Variants in SLC34A3 observed in about 807,000 individuals in gnomAD.
The protein encoded by SLC34A3 is solute carrier family 34 member 3.
Under a neutral mutation model 43.9 loss-of-function variants are expected in SLC34A3, and 60 were observed. That is an observed-to-expected ratio of 1.37 (90% confidence interval 1.11 to 1.70). The LOEUF is 1.70. SLC34A3 is among the 40% of genes most tolerant of loss of function. SLC34A3 has a pLI of 0.00. For missense variants in SLC34A3, 969 were observed against 823.8 expected (o/e 1.18, Z -2.16); for synonymous variants, 451 against 386.2 (o/e 1.17, Z -1.97).
chr9:137,231,410 G>A (rs1836205910), intron 1 of SLC34A3, among the ~76,000 whole-genome samples: 1 of 152,198 alleles, frequency 6.6e-6, no homozygotes, highest in Non-Finnish European at 1.5e-5. Flanking sequence ...GACCAGCAAG[G>A]GAGCCGGGGA....
rs775265040 is a variant in SLC34A3 at position 137,233,307 on chromosome 9, G to A, written c.659G>A (p.Ser220Asn). 28 of 1,598,212 alleles carry A rather than the reference G, an allele frequency of 1.8e-5. No homozygotes were observed. Among genetic ancestry groups the A allele is most frequent in the Non-Finnish European group, 2.3e-5 (27 of 1,173,152 alleles). Reference protein sequence around the residue: ...ESATALLERLSELALGAASLT... With the variant: ...ESATALLERLNELALGAASLT... Reference sequence around the variant, plus strand: ...GCCACGGCCCTGCTGGAGAGGCTAAGTGAGCTAGCCCTGGGTGCCGCCAGC... The same window carrying A: ...GCCACGGCCCTGCTGGAGAGGCTAAATGAGCTAGCCCTGGGTGCCGCCAGC... The change falls in exon 7 of 13, where the codon AGT becomes AAT. Residue 220 changes from serine (S) to asparagine (N), a missense_variant. Transcript: ENST00000673835.
chr9:137,233,779 T>TTTGGGGCCCCCCCCCCCC, intron 8 of SLC34A3, 57 bp downstream of exon 8: 1 of 1,445,826 alleles, frequency 6.9e-7, no homozygotes, highest in Non-Finnish European at 9.6e-7. Flanking sequence ...TGCTGAGTCA[T>TTTGGGGCCCCCCCCCCCC]CCCGCCCCAC....
At chr9:137,235,586 C>A (rs1006177371) in intron 12 of SLC34A3, among the ~76,000 whole-genome samples, 13 of 152,246 alleles carry the variant, frequency 8.5e-5, no homozygotes, top group Non-Finnish European at 1.5e-5. Flanking sequence ...CTCCTCCCCG[C>A]AGGGCCTGGA....
intron 8 of SLC34A3, 52 bp downstream of exon 8, chr9:137,233,774 A>G: frequency 6.5e-7 from 1 of 1,539,590 alleles, no homozygotes; most frequent in Non-Finnish European, 9.0e-7. Flanking sequence ...CCACCTGCTG[A>G]GTCATCCCGC....
At chr9:137,235,928 C>T (rs752317833) in intron 12 of SLC34A3, 24 bp from the exon 13 acceptor site, 2 of 1,608,714 alleles carry the variant, frequency 1.2e-6, no homozygotes, top group Non-Finnish European at 1.7e-6. Context: ...GGGCCCAGGC[C>T]CCTGACAGCC....
chr9:137,233,164 G>GCCCCGGCCCCCCCCCCCCC, intron 6 of SLC34A3, 45 bp from the exon 7 acceptor site: 1 of 1,244,672 alleles, frequency 8.0e-7, no homozygotes, highest in Non-Finnish European at 1.1e-6. Flanking sequence ...GGCAGCCCCA[G>GCCCCGGCCCCCCCCCCCCC]CCCGGGCCCC....
intron 7 of SLC34A3, 62 bp downstream of exon 7, chr9:137,233,466 C>G (rs1836370524): frequency 1.3e-6 from 2 of 1,580,656 alleles, no homozygotes; most frequent in African/African-American, 2.7e-5. Context: ...GGAGGGGAGG[C>G]CCGCCCTGCC....
At chr9:137,235,117 C>T (rs2131420190) in intron 12 of SLC34A3, among the ~76,000 whole-genome samples, 1 of 152,186 alleles carries the variant, frequency 6.6e-6, no homozygotes, top group East Asian at 1.9e-4. Context: ...TCTGGACGAC[C>T]CTCCCAGCCC....
chr9:137,232,638 T>G lies in SLC34A3; in HGVS notation c.239T>G (p.Leu80Arg). ...AGCGTCCTCAAGGCCTGCGGGCTCC[T>G]CGGCAGCCTGTACTTCTTCATCTGC... ...AGSVLKACGL[L>R]GSLYFFICSL... Residue 80 changes from leucine to arginine, a missense_variant, in exon 4 of 13, where the codon CTC (leucine) becomes CGC (arginine). Transcript: ENST00000673835. 1 of 1,612,682 alleles carries G rather than the reference T, an allele frequency of 6.2e-7. No homozygotes were observed. The highest frequency in any genetic ancestry group is 8.5e-7 in the Non-Finnish European group (1 of 1,179,886).
Position 137,236,452 on chromosome 9 carries a change from G to T in SLC34A3, c.*36G>T. 1 of 1,519,888 alleles carries T rather than the reference G, an allele frequency of 6.6e-7. No homozygotes were observed. Among genetic ancestry groups the T allele is most frequent in the Non-Finnish European group, 8.8e-7 (1 of 1,132,592 alleles). 94.2% of individuals were successfully genotyped at this position (1,519,888 alleles called of 1,614,324 possible). A position where few individuals can be genotyped will look rare whatever the true frequency, so the allele number is the denominator to read the frequency against. On this transcript the variant is annotated 3_prime_UTR_variant, in exon 13 of 13. Coordinates refer to ENST00000673835, the MANE Select transcript of SLC34A3 (RefSeq NM_001177316.2). Reference sequence around the variant, plus strand: ...CTGAGCAGACCGCCCCACCCTCCCCGGCTGGGAGGGCTCTGGAGGGCCCTG... The same window carrying T: ...CTGAGCAGACCGCCCCACCCTCCCCTGCTGGGAGGGCTCTGGAGGGCCCTG...
intron 7 of SLC34A3, 52 bp downstream of exon 7, chr9:137,233,456 G>A: frequency 6.3e-7 from 1 of 1,590,266 alleles, no homozygotes; most frequent in South Asian, 1.1e-5. Flanking sequence ...CCGGATGGGA[G>A]GAGGGGAGGC....
chr9:137,236,493 C>G lies in SLC34A3; in HGVS notation c.*77C>G, dbSNP rs371908040. On this transcript the variant is annotated 3_prime_UTR_variant, in exon 13 of 13. Coordinates refer to ENST00000673835, the MANE Select transcript of SLC34A3 (RefSeq NM_001177316.2). ...GAGGGCCCTGGAGGGGGGGTCCCCGCGGCAGCTGACCTCCGGTCACCTGCT... is the reference window on the plus strand; with the variant it reads ...GAGGGCCCTGGAGGGGGGGTCCCCGGGGCAGCTGACCTCCGGTCACCTGCT... 7.5e-5 allele frequency: 94 copies of G among 1,249,104 alleles called. No homozygotes were observed. Among genetic ancestry groups the G allele is most frequent in the African/African-American group, 6.5e-4 (44 of 67,382 alleles). The allele number at this position is 1,249,104 out of a possible 1,614,324, so 77.4% of individuals were successfully genotyped here.
chr9:137,231,797 G>A lies in SLC34A3; in HGVS notation c.85+10G>A. On this transcript the variant is annotated intron_variant, in intron 2 of 12. Coordinates refer to ENST00000673835, the MANE Select transcript of SLC34A3 (RefSeq NM_001177316.2). ...ACTCTGAGGAATGAAGGTACCAGTG[G>A]CCCCTGTGCCCCAGGCCTTCACCAG... 2 of 1,611,250 alleles carry A rather than the reference G, an allele frequency of 1.2e-6. No individual in the cohort carries two copies.
At chr9:137,232,247 CA>C in intron 3 of SLC34A3, 86 bp downstream of exon 3, 1 of 1,315,544 alleles carries the variant, frequency 7.6e-7, no homozygotes, top group Non-Finnish European at 1.1e-6. Context: ...GGGGCCTGCC[CA>C]AACAGGCTGT....
intron 7 of SLC34A3, 112 bp downstream of exon 7, chr9:137,233,516 G>C: frequency 1.3e-6 from 2 of 1,565,232 alleles, no homozygotes; most frequent in Non-Finnish European, 1.8e-6. Context: ...CCTGTCCTGG[G>C]ACAGGGGAGG....
rs1836425982 is a variant in SLC34A3, at chr9:137,234,102, C to A, written c.926-7C>A. 6.4e-7 allele frequency: 1 copy of A among 1,560,294 alleles called. No homozygotes were observed. Among genetic ancestry groups the A allele is most frequent in the Non-Finnish European group, 8.6e-7 (1 of 1,160,082 alleles). On this transcript the variant is annotated splice_polypyrimidine_tract_variant and splice_region_variant and intron_variant, in intron 9 of 12. Transcript: ENST00000673835. This position sits in a 1 kb window ranked among gnomAD's most constrained non-coding sequence, Gnocchi z 6.9. ...CTCCCCCTCACCTGCCCCTGCCCTG[C>A]CCCCAGGCCGCCACCTGTTTGCGGG...
rs1836572915 is a variant in SLC34A3, at chr9:137,235,993, G to A, written c.1377G>A (p.Leu459=). 3 of 1,612,614 alleles carry A rather than the reference G, an allele frequency of 1.9e-6. No individual in the cohort carries two copies. Among genetic ancestry groups the A allele is most frequent in the Non-Finnish European group, 2.5e-6 (3 of 1,179,876 alleles). ...TCTTCTTCAACCTGGCCGGCATCCT[G>A]CTGTGGTACCTGGTGCCTGCACTGC... ...IHFFFNLAGI[L]LWYLVPALRL... The change falls in exon 13 of 13, where the codon CTG becomes CTA. Residue 459 remains leucine (L), a synonymous_variant. Coordinates refer to ENST00000673835, the MANE Select transcript of SLC34A3 (RefSeq NM_001177316.2).
Position 137,236,420 on chromosome 9 carries a change from G to C in SLC34A3, c.*4G>C. ...CTTGGCCTCCCAGCAGTTGTGACGG[G>C]CAGTTGCTGAGCAGACCGCCCCACC... is the stretch of plus-strand genomic sequence containing the variant. On this transcript the variant is annotated 3_prime_UTR_variant, in exon 13 of 13. Coordinates refer to ENST00000673835, the MANE Select transcript of SLC34A3 (RefSeq NM_001177316.2). 6.5e-7 allele frequency: 1 copy of C among 1,536,310 alleles called. No individual in the cohort carries two copies. The highest frequency in any genetic ancestry group is 8.7e-7 in the Non-Finnish European group (1 of 1,146,454).
At position 137,232,767 on chromosome 9, in the gene SLC34A3, C is replaced by T. The variant is rs1311199555; in HGVS notation, c.305-17C>T. 1.2e-6 allele frequency: 2 copies of T among 1,612,900 alleles called. No individual in the cohort carries two copies. The highest frequency in any genetic ancestry group is 1.3e-5 in the African/African-American group (1 of 74,952). On this transcript the variant is annotated splice_polypyrimidine_tract_variant and intron_variant, in intron 4 of 12. Coordinates refer to ENST00000673835, the MANE Select transcript of SLC34A3 (RefSeq NM_001177316.2). ...CCAGCCCTCCGCAGCTTCAGCGCAC[C>T]TCTCTTGCCGGTGTAGGCAAAGTGG...
Sources: allele counts gnomAD v4.1 joint callset (sites outside exome capture counted in the v4.1 genomes callset), GRCh38; gene constraint gnomAD v4.1.1; non-coding constraint Gnocchi (gnomAD v3.1); transcripts MANE v1.5; gene names NCBI Gene and HGNC (gene_info 2026-07-23, HGNC 2026-07-21).